GLIS1: variants seen among roughly 807,000 people sequenced by gnomAD.
GLIS1 encodes the protein GLIS family zinc finger 1.
GLIS1 carries 24 observed loss-of-function variants against 63.8 expected under a neutral mutation model. The observed-to-expected ratio is 0.38, with a 90% CI of 0.27 to 0.53. The LOEUF (loss-of-function observed/expected upper bound fraction) is 0.53. Ranked by LOEUF, GLIS1 falls within the 20% of genes least tolerant of loss-of-function variation. The pLI is 0.85. For missense variants in GLIS1, 1,036 were observed against 1,074.1 expected, an observed-to-expected ratio of 0.96 and a Z score of 0.50; for synonymous variants, 450 against 482.5, an observed-to-expected ratio of 0.93 and a Z score of 0.88.
At chr1:53,648,404 C>A (rs377110941) in intron 2 of GLIS1, among the ~76,000 whole-genome samples, 1 of 152,096 alleles carries the variant, frequency 6.6e-6, no homozygotes, top group Admixed American at 6.6e-5. Context: ...ACTCTGCCAG[C>A]GGGAGTGCTA....
At chr1:53,657,875 A>T (rs1645983980) in intron 2 of GLIS1, among the ~76,000 whole-genome samples, 1 of 152,154 alleles carries the variant, frequency 6.6e-6, no homozygotes, top group African/African-American at 2.4e-5. Context: ...TAAGCAGATC[A>T]TCCACCCTTG....
At position 53,520,679 on chromosome 1, in the gene GLIS1, T is replaced by C. The variant is rs773618958; in HGVS notation, c.1681A>G (p.Ser561Gly). 7.5e-6 allele frequency: 12 copies of C among 1,610,262 alleles called. No homozygotes were observed. In the African/African-American group the frequency reaches 1.6e-4, roughly 21 times the overall value. Residue 561 changes from serine (S) to glycine (G), a missense_variant, in exon 7 of 11, where the codon AGC becomes GGC. By Grantham distance (56) the Ser-to-Gly change is moderately conservative. Coordinates refer to ENST00000628545, the MANE Select transcript of GLIS1 (RefSeq NM_001367484.1). The stretch of plus-strand genomic sequence containing the variant: ...AGGCCACAGCCACCCTTGCCGTCGC[T>C]GGCAGCCAGCTGTGTGGACGTGTGG... Reference protein sequence around the residue: ...QLHTSTQLAASDGKGGCGLGQ... With the variant: ...QLHTSTQLAAGDGKGGCGLGQ...
At chr1:53,638,059 T>A (rs1395673261) in intron 2 of GLIS1, among the ~76,000 whole-genome samples, 1 of 152,136 alleles carries the variant, frequency 6.6e-6, no homozygotes, top group Non-Finnish European at 1.5e-5. Context: ...GGAGCCAGTA[T>A]CCCATCTGGG....
chr1:53,625,119 G>A lies in GLIS1; in HGVS notation c.260-24841C>T, dbSNP rs1437295342. ...TCCAGCTTCTGGCCGCTCCAGGCCT[G>A]GATGACAAACCTGGCTTCATTAGTA... is the stretch of plus-strand genomic sequence containing the variant. On this transcript the variant is annotated intron_variant, in intron 2 of 10. Coordinates refer to ENST00000628545, the MANE Select transcript of GLIS1 (RefSeq NM_001367484.1). Among the ~76,000 whole-genome samples, 10 of 152,202 alleles carry A rather than the reference G, an allele frequency of 6.6e-5. 1 individual carries two copies. The highest frequency in any genetic ancestry group is 2.1e-4 in the South Asian group (1 of 4,828).
intron 4 of GLIS1, among the ~76,000 whole-genome samples, chr1:53,591,020 T>C (rs2100521341): frequency 6.6e-6 from 1 of 152,278 alleles, no homozygotes; most frequent in South Asian, 2.1e-4. Flanking sequence ...GAAAGAACTG[T>C]GGAAACGGCT....
intron 2 of GLIS1, among the ~76,000 whole-genome samples, chr1:53,680,305 G>A (rs891137883): frequency 2.0e-5 from 3 of 152,150 alleles, no homozygotes; most frequent in Non-Finnish European, 4.4e-5. Flanking sequence ...GGCCCAAAAC[G>A]ATTAAGAAAA....
chr1:53,560,965 G>T lies in GLIS1; in HGVS notation c.1321-31013C>A, dbSNP rs949618473. 6.6e-6 allele frequency among the ~76,000 whole-genome samples: 1 copy of T among 152,154 alleles called. No homozygotes were observed. Among genetic ancestry groups the T allele is most frequent in the African/African-American group, 2.4e-5 (1 of 41,438 alleles). ...GAGGCCGGGCCCACACTGGATGTCC[G>T]CTCCCTTCAGGATCTCCAATGTGCG... On this transcript the variant is annotated intron_variant, in intron 4 of 10. Transcript: ENST00000628545. This position sits in a 1 kb window ranked among gnomAD's most constrained non-coding sequence, Gnocchi z 4.4.
intron 2 of GLIS1, among the ~76,000 whole-genome samples, chr1:53,609,266 CT>C (rs1221426769): frequency 0.038 from 3,054 of 80,932 alleles, 18 homozygotes; most frequent in African/African-American, 0.13. Context: ...GGGTTTAAAT[CT>C]TTTTTTTTTT....
intron 2 of GLIS1, among the ~76,000 whole-genome samples, chr1:53,675,878 G>C (rs1421038725): frequency 6.6e-6 from 1 of 151,258 alleles, no homozygotes; most frequent in Non-Finnish European, 1.5e-5. Flanking sequence ...CAGAACAGCG[G>C]CTCCTACCCC....
chr1:53,696,953 C>A (rs181923042), intron 2 of GLIS1, among the ~76,000 whole-genome samples: 201 of 152,342 alleles, frequency 1.3e-3, no homozygotes, highest in African/African-American at 4.6e-3. Flanking sequence ...TTCCACGTGG[C>A]ATCCCCATAC....
At chr1:53,736,526 C>T (rs1266724822) in intron 2 of GLIS1, among the ~76,000 whole-genome samples, 3 of 152,126 alleles carry the variant, frequency 2.0e-5, no homozygotes, top group African/African-American at 7.2e-5. Flanking sequence ...TGTCTCGCTG[C>T]GCAGCGCTCC....
intron 4 of GLIS1, among the ~76,000 whole-genome samples, chr1:53,566,866 T>C (rs1644941020): frequency 6.6e-6 from 1 of 152,242 alleles, no homozygotes; most frequent in Admixed American, 6.5e-5. Context: ...GTAGGTCAAT[T>C]AGACCTCTTT....
At chr1:53,651,944 G>T (rs1038518903) in intron 2 of GLIS1, among the ~76,000 whole-genome samples, 3 of 151,914 alleles carry the variant, frequency 2.0e-5, no homozygotes, top group Admixed American at 1.3e-4. Context: ...AGTATTGAGG[G>T]GTGGAAGGCA....
chr1:53,669,165 A>G (rs1646126042), intron 2 of GLIS1, among the ~76,000 whole-genome samples: 2 of 152,176 alleles, frequency 1.3e-5, no homozygotes, highest in Non-Finnish European at 2.9e-5. Context: ...GGTCCCCAAC[A>G]GTCCCTGAAC....
At chr1:53,523,611 T>C (rs1644433779) in intron 6 of GLIS1, among the ~76,000 whole-genome samples, 1 of 152,160 alleles carries the variant, frequency 6.6e-6, no homozygotes, top group South Asian at 2.1e-4. Context: ...ACACCCTCCC[T>C]GGCGCTCAAG....
chr1:53,649,016 T>C (rs1385136458), intron 2 of GLIS1, among the ~76,000 whole-genome samples: 1 of 152,242 alleles, frequency 6.6e-6, no homozygotes, highest in East Asian at 1.9e-4. Flanking sequence ...CGGATCTACT[T>C]ATTCATGGAT....
chr1:53,566,392 C>T (rs541741130), intron 4 of GLIS1, among the ~76,000 whole-genome samples: 1 of 152,064 alleles, frequency 6.6e-6, no homozygotes, highest in African/African-American at 2.4e-5. Context: ...AGCAAGGTTG[C>T]AAGATACAAG....
intron 2 of GLIS1, among the ~76,000 whole-genome samples, chr1:53,702,709 C>G (rs763432112): frequency 6.6e-6 from 1 of 152,230 alleles, no homozygotes; most frequent in African/African-American, 2.4e-5. Flanking sequence ...TAATGAGGAA[C>G]GACTGTGTCG....
At chr1:53,527,457 C>T (rs898097776) in intron 5 of GLIS1, among the ~76,000 whole-genome samples, 8 of 152,240 alleles carry the variant, frequency 5.3e-5, no homozygotes, top group South Asian at 2.1e-4. Context: ...TGACCTCCCT[C>T]GCTCTCTGAA....
Sources: allele counts gnomAD v4.1 joint callset (sites outside exome capture counted in the v4.1 genomes callset), GRCh38; gene constraint gnomAD v4.1.1; non-coding constraint Gnocchi (gnomAD v3.1); transcripts MANE v1.5; gene names NCBI Gene and HGNC (gene_info 2026-07-23, HGNC 2026-07-21).